Variants in NEGR1 observed in about 807,000 individuals in gnomAD.
The protein encoded by NEGR1 is neuronal growth regulator 1.
NEGR1 carries 10 observed loss-of-function variants against 40.9 expected under a neutral mutation model. The observed-to-expected ratio is 0.24, with a 90% CI of 0.15 to 0.42. NEGR1 has a LOEUF of 0.42. Ranked by LOEUF, NEGR1 falls within the 10% of genes least tolerant of loss-of-function variation. NEGR1 has a pLI of 1.00. For synonymous variants in NEGR1, 185 were observed against 166.8 expected, an observed-to-expected ratio of 1.11 and a Z score of -0.84; for missense variants, 352 against 438.9, an observed-to-expected ratio of 0.80 and a Z score of 1.77.
rs565637674 is a variant in NEGR1, at chr1:71,660,945, G to T, written c.667+37063C>A. Among the ~76,000 whole-genome samples, 157 of 152,230 alleles carry T rather than the reference G, an allele frequency of 1.0e-3. 1 individual carries two copies. The highest frequency in any genetic ancestry group is 3.7e-3 in the African/African-American group (154 of 41,534). ...AACTTCCACTTATGAATGAGAACAT[G>T]CAGTGTTTGGTTTTCTGTTCCTGTG... On this transcript the variant is annotated intron_variant, in intron 4 of 6. Coordinates refer to ENST00000357731, the MANE Select transcript of NEGR1 (RefSeq NM_173808.3).
At chr1:71,544,054 C>A (rs1171005192) in intron 6 of NEGR1, among the ~76,000 whole-genome samples, 2 of 151,610 alleles carry the variant, frequency 1.3e-5, no homozygotes, top group Non-Finnish European at 3.0e-5. Flanking sequence ...CAGAAACCAA[C>A]CTTATCTAGA....
intron 1 of NEGR1, among the ~76,000 whole-genome samples, chr1:72,051,255 A>C (rs1647057518): frequency 1.3e-5 from 2 of 151,530 alleles, no homozygotes; most frequent in African/African-American, 4.8e-5. Context: ...TCATTACTAA[A>C]ATACATATTA....
chr1:71,704,925 G>A (rs966700003), intron 3 of NEGR1, among the ~76,000 whole-genome samples: 1 of 151,576 alleles, frequency 6.6e-6, no homozygotes, highest in Non-Finnish European at 1.5e-5. Context: ...ATCAAGTACA[G>A]TTTATTGCAA....
intron 1 of NEGR1, among the ~76,000 whole-genome samples, chr1:72,176,434 C>T (rs1489154090): frequency 6.6e-6 from 1 of 151,882 alleles, no homozygotes; most frequent in Non-Finnish European, 1.5e-5. Context: ...GAGAAGAATA[C>T]CAAAATGGAT....
chr1:71,510,453 A>G (rs1647065041), intron 6 of NEGR1, among the ~76,000 whole-genome samples: 1 of 152,188 alleles, frequency 6.6e-6, no homozygotes, highest in South Asian at 2.1e-4. Flanking sequence ...AAGCATGATA[A>G]ATCTAAGTAA....
intron 6 of NEGR1, chr1:71,409,025 G>C (rs1348051608): frequency 6.6e-6 from 1 of 151,992 alleles, no homozygotes; most frequent in Non-Finnish European, 1.5e-5. Flanking sequence ...AGTGGGATTT[G>C]AACACTGAGA....
At chr1:71,895,415 C>T (rs959631794) in intron 2 of NEGR1, among the ~76,000 whole-genome samples, 2 of 152,086 alleles carry the variant, frequency 1.3e-5, no homozygotes, top group Non-Finnish European at 2.9e-5. Flanking sequence ...TTTCATCACT[C>T]CCAAAAGAAA....
At chr1:72,088,101 G>C (rs1457001812) in intron 1 of NEGR1, among the ~76,000 whole-genome samples, 2 of 152,170 alleles carry the variant, frequency 1.3e-5, no homozygotes, top group Admixed American at 6.5e-5. Flanking sequence ...TTATGTAACA[G>C]ATTAGTGTAA....
chr1:72,034,017 A>G (rs989007580), intron 1 of NEGR1, among the ~76,000 whole-genome samples: 1 of 152,214 alleles, frequency 6.6e-6, no homozygotes, highest in Non-Finnish European at 1.5e-5. Context: ...CTCTTTTTAA[A>G]GAATTCATAT....
In NEGR1 at chr1:71,955,083, G is replaced by A. The variant is rs147361233; in HGVS notation, c.177-19772C>T. 1.4e-4 allele frequency among the ~76,000 whole-genome samples: 22 copies of A among 152,112 alleles called. No homozygotes were observed. The East Asian group carries it at 4.1e-3, about 28-fold the overall frequency. ...CAATTCCAACTGAATCCAAATTCTT[G>A]GCCCTTTGTACCATGCTTTACAGAT... On this transcript the variant is annotated intron_variant, in intron 1 of 6. Transcript: ENST00000357731.
chr1:71,828,297 T>C (rs1243433808), intron 2 of NEGR1, among the ~76,000 whole-genome samples: 2 of 151,976 alleles, frequency 1.3e-5, no homozygotes, highest in East Asian at 1.9e-4. Flanking sequence ...CAATAAATGT[T>C]TGAAAATTGT....
chr1:72,263,230 CT>C (rs1324899826), intron 1 of NEGR1, among the ~76,000 whole-genome samples: 7 of 151,394 alleles, frequency 4.6e-5, no homozygotes, highest in African/African-American at 1.5e-4. Flanking sequence ...AAACAAAAGT[CT>C]TTCTCAACAC....
intron 4 of NEGR1, among the ~76,000 whole-genome samples, chr1:71,686,844 C>T (rs1653057113): frequency 6.6e-6 from 1 of 152,276 alleles, no homozygotes; most frequent in South Asian, 2.1e-4. Context: ...AAGTGAATTA[C>T]ATGGAGCTTC....
chr1:72,272,271 CTCTGAT>C (rs1406271357), intron 1 of NEGR1, among the ~76,000 whole-genome samples: 2 of 151,684 alleles, frequency 1.3e-5, no homozygotes, highest in African/African-American at 2.4e-5. Flanking sequence ...CCCATCTCTA[CTCTGAT>C]TCTTTCACTC....
chr1:72,214,777 T>C (rs1041016086), intron 1 of NEGR1, among the ~76,000 whole-genome samples: 2 of 151,716 alleles, frequency 1.3e-5, no homozygotes, highest in African/African-American at 4.8e-5. Context: ...TAAATGGCCA[T>C]ACTGCCCAAA....
At chr1:71,578,043 T>C (rs944919362) in intron 6 of NEGR1, among the ~76,000 whole-genome samples, 6 of 152,138 alleles carry the variant, frequency 3.9e-5, no homozygotes, top group African/African-American at 1.4e-4. Context: ...AAGTCTGATC[T>C]TACAGGAGCC....
chr1:72,146,372 A>G (rs1650909262), intron 1 of NEGR1, among the ~76,000 whole-genome samples: 1 of 152,122 alleles, frequency 6.6e-6, no homozygotes, highest in South Asian at 2.1e-4. Context: ...TATTAATGCC[A>G]TGTCATACTT....
intron 6 of NEGR1, among the ~76,000 whole-genome samples, chr1:71,469,609 C>A (rs1323031927): frequency 6.6e-6 from 1 of 151,998 alleles, no homozygotes; most frequent in Admixed American, 6.6e-5. Flanking sequence ...CCAGCTGAGA[C>A]CTTGTCTGCA....
intron 4 of NEGR1, among the ~76,000 whole-genome samples, chr1:71,658,077 A>G (rs1024987458): frequency 4.6e-5 from 7 of 152,156 alleles, no homozygotes; most frequent in African/African-American, 1.7e-4. Context: ...AAACATAATT[A>G]ATTGCCTCTT....
Sources: gnomAD v4.1 joint callset for allele counts (sites outside exome capture counted in the v4.1 genomes callset) on GRCh38, gnomAD v4.1.1 for gene constraint, MANE v1.5 for transcripts, NCBI Gene and HGNC (gene_info 2026-07-23, HGNC 2026-07-21) for gene names.